Variants in NAALADL2 observed in about 807,000 individuals in gnomAD.
NAALADL2 encodes the protein N-acetylated alpha-linked acidic dipeptidase like 2.
Under a neutral mutation model 87.2 loss-of-function variants are expected in NAALADL2, and 76 were observed. That is an observed-to-expected ratio of 0.87 (90% confidence interval 0.72 to 1.05). The LOEUF (loss-of-function observed/expected upper bound fraction) is 1.05, where lower values mean the gene tolerates loss of function less well. Among genes scored for constraint, NAALADL2 ranks in the 50% least tolerant of loss-of-function variants. The pLI, the probability that NAALADL2 is intolerant of heterozygous loss-of-function variation, is 0.00. For missense variants in NAALADL2, 1,089 were observed against 945.8 expected (o/e 1.15, Z -1.99); for synonymous variants, 354 against 331.0 (o/e 1.07, Z -0.75).
At chr3:175,717,283 C>T (rs1167203973) in intron 11 of NAALADL2, among the ~76,000 whole-genome samples, 1 of 152,156 alleles carries the variant, frequency 6.6e-6, no homozygotes, top group African/African-American at 2.4e-5. Context: ...CCTACATCTG[C>T]TATGACCTGG....
At chr3:175,281,112 T>TA (rs5854624) in intron 4 of NAALADL2, among the ~76,000 whole-genome samples, 41 of 144,628 alleles carry the variant, frequency 2.8e-4, no homozygotes, top group East Asian at 2.2e-3. Flanking sequence ...AATTAAAACT[T>TA]AAAAAAAATA....
intron 6 of NAALADL2, among the ~76,000 whole-genome samples, chr3:175,462,723 A>G (rs1407252784): frequency 6.6e-6 from 1 of 152,188 alleles, no homozygotes; most frequent in Non-Finnish European, 1.5e-5. Flanking sequence ...TTCTGTGACT[A>G]GAGTCCTTCC....
intron 2 of NAALADL2, among the ~76,000 whole-genome samples, chr3:175,214,011 T>C (rs1173572608): frequency 6.6e-6 from 1 of 152,170 alleles, no homozygotes; most frequent in East Asian, 1.9e-4. Context: ...AGAAAATTTT[T>C]GTGAAAAATT....
intron 4 of NAALADL2, among the ~76,000 whole-genome samples, chr3:175,322,140 A>T: frequency 6.6e-6 from 1 of 151,014 alleles, no homozygotes. Context: ...CAAAACAGAG[A>T]TACAGATCAA....
rs1444426412 is a variant in NAALADL2 at position 174,635,235 on chromosome 3, T to A, written c.-115+84598T>A. On this transcript the variant is annotated intron_variant, in intron 2 of 3. Transcript: ENST00000434257. ...CATTGGCATCGTATAGAAATTGGAG[T>A]GTACTGACCATCTGTTATTAACCTA... Among the ~76,000 whole-genome samples, 7 of 152,222 alleles carry A rather than the reference T, an allele frequency of 4.6e-5. No individual in the cohort carries two copies. In the East Asian group the frequency reaches 7.7e-4, roughly 17 times the overall value.
rs368181352 is a variant in NAALADL2 at position 174,546,933 on chromosome 3, T to C, written c.-183-3636T>C. Among the ~76,000 whole-genome samples the C allele has an allele frequency of 3.9e-5, 6 of 152,178 alleles. No homozygotes were observed. In the South Asian group the frequency reaches 6.2e-4, roughly 16 times the overall value. On this transcript the variant is annotated intron_variant, in intron 1 of 3. Coordinates refer to the NAALADL2 transcript ENST00000434257. ...TTGTTTCCTGTTCTCTTTGCCTTCA[T>C]GTGTAGTACTTTTTTTGAAATTTCC... is the stretch of plus-strand genomic sequence containing the variant.
At chr3:174,550,117 T>C (rs972911023) in intron 1 of NAALADL2, among the ~76,000 whole-genome samples, 2 of 152,152 alleles carry the variant, frequency 1.3e-5, no homozygotes, top group Non-Finnish European at 2.9e-5. Flanking sequence ...GGTTAAATGT[T>C]AATGAAAAGC....
At chr3:175,346,621 G>T (rs1763185694) in intron 5 of NAALADL2, among the ~76,000 whole-genome samples, 2 of 151,954 alleles carry the variant, frequency 1.3e-5, no homozygotes, top group African/African-American at 4.8e-5. Flanking sequence ...TGGTCAAATT[G>T]GTTCAATGAC....
At chr3:174,558,346 G>A (rs1192768844) in intron 2 of NAALADL2, among the ~76,000 whole-genome samples, 2 of 151,606 alleles carry the variant, frequency 1.3e-5, no homozygotes, top group African/African-American at 2.4e-5. Context: ...CACAGACTGG[G>A]TACGGGGGGG....
At chr3:174,860,805 T>C (rs1726395509) in intron 1 of NAALADL2, among the ~76,000 whole-genome samples, 2 of 152,106 alleles carry the variant, frequency 1.3e-5, no homozygotes, top group South Asian at 4.1e-4. Context: ...AGATTGTGTA[T>C]ACATTTTGTT....
At chr3:174,638,021 G>T (rs916031005) in intron 2 of NAALADL2, among the ~76,000 whole-genome samples, 3 of 152,048 alleles carry the variant, frequency 2.0e-5, no homozygotes, top group African/African-American at 7.2e-5. Context: ...TCAATGAAAT[G>T]CACCAATAGT....
intron 2 of NAALADL2, among the ~76,000 whole-genome samples, chr3:174,694,651 ATAT>A (rs1728864724): frequency 6.6e-6 from 1 of 152,008 alleles, no homozygotes; most frequent in Non-Finnish European, 1.5e-5. Flanking sequence ...GAAGTTGTTA[ATAT>A]TCTTTGGAAA....
At chr3:175,599,329 TATAATA>T (rs1241865938) in intron 10 of NAALADL2, among the ~76,000 whole-genome samples, 6 of 152,244 alleles carry the variant, frequency 3.9e-5, no homozygotes, top group Admixed American at 3.3e-4. Flanking sequence ...TCATTATAAT[TATAATA>T]ATAATAGCTA....
intron 1 of NAALADL2, among the ~76,000 whole-genome samples, chr3:175,036,804 C>T (rs1264200277): frequency 6.8e-5 from 8 of 117,346 alleles, no homozygotes; most frequent in African/African-American, 9.9e-5. Context: ...TCCATCTGTT[C>T]TTTTTTTTTT....
At chr3:174,746,303 C>T (rs1358924748) in intron 3 of NAALADL2, among the ~76,000 whole-genome samples, 3 of 152,042 alleles carry the variant, frequency 2.0e-5, no homozygotes, top group Admixed American at 2.0e-4. Flanking sequence ...AGCAAAGAGC[C>T]AAATCATGAA....
chr3:175,509,333 C>A (rs1387107914), intron 9 of NAALADL2, among the ~76,000 whole-genome samples: 5 of 152,128 alleles, frequency 3.3e-5, no homozygotes, highest in African/African-American at 1.2e-4. Context: ...GCATGAGTAG[C>A]TTGCTGGCTC....
At chr3:174,622,992 A>G (rs144388420) in intron 2 of NAALADL2, among the ~76,000 whole-genome samples, 18 of 152,282 alleles carry the variant, frequency 1.2e-4, no homozygotes, top group East Asian at 3.9e-4. Context: ...GCAGTGAGCC[A>G]AGATCGCGCC....
intron 1 of NAALADL2, among the ~76,000 whole-genome samples, chr3:175,080,008 C>T (rs1227666156): frequency 6.6e-6 from 1 of 150,528 alleles, no homozygotes; most frequent in Non-Finnish European, 1.5e-5. Context: ...CTTTGTCACC[C>T]AGGCTAGAGT....
intron 1 of NAALADL2, among the ~76,000 whole-genome samples, chr3:175,035,621 T>G (rs1560500305): frequency 6.6e-6 from 1 of 150,990 alleles, no homozygotes; most frequent in Non-Finnish European, 1.5e-5. Flanking sequence ...GATATAGCAA[T>G]GAATATATAA....
Sources: gnomAD v4.1 joint callset for allele counts (sites outside exome capture counted in the v4.1 genomes callset) on GRCh38, gnomAD v4.1.1 for gene constraint, MANE v1.5 for transcripts, NCBI Gene and HGNC (gene_info 2026-07-23, HGNC 2026-07-21) for gene names.